Variants in KAZN observed in about 807,000 individuals in gnomAD.
KAZN encodes kazrin.
Under a neutral mutation model 87.4 loss-of-function variants are expected in KAZN, and 40 were observed. That is an observed-to-expected ratio of 0.46 (90% CI 0.36 to 0.60). The LOEUF is 0.60. KAZN is among the 20% of genes least tolerant of loss of function. KAZN has a pLI of 0.00. For synonymous variants in KAZN, 466 were observed against 458.3 expected (o/e 1.02, Z -0.22); for missense variants, 898 against 1,073.9 (o/e 0.84, Z 2.29).
At chr1:14,217,062 A>G (rs1008325664) in intron 2 of KAZN, among the ~76,000 whole-genome samples, 6 of 151,182 alleles carry the variant, frequency 4.0e-5, no homozygotes, top group Admixed American at 3.9e-4. Context: ...TTAATAAATA[A>G]CTCAATTTAA....
At position 14,278,281 on chromosome 1, in the gene KAZN, G is replaced by T. The variant is rs1043427737; in HGVS notation, c.249+97689G>T. On this transcript the variant is annotated intron_variant, in intron 2 of 16. Transcript: ENST00000636203. The stretch of plus-strand genomic sequence containing the variant: ...GTATCTTTATCACACCTGAAAATTA[G>T]CACTGATTCCTTTTTTTTTTTTTTT... 3.4e-5 allele frequency among the ~76,000 whole-genome samples: 5 copies of T among 148,340 alleles called. No homozygotes were observed. The East Asian group carries it at 9.9e-4, about 29-fold the overall frequency.
At chr1:15,040,045 C>T (rs1006299242) in intron 3 of KAZN, among the ~76,000 whole-genome samples, 4 of 152,126 alleles carry the variant, frequency 2.6e-5, no homozygotes, top group Admixed American at 1.3e-4. Context: ...GGAATAGCAA[C>T]ATTAAAACAA....
chr1:14,393,952 A>G (rs1045770737), intron 2 of KAZN, among the ~76,000 whole-genome samples: 1 of 151,958 alleles, frequency 6.6e-6, no homozygotes, highest in East Asian at 1.9e-4. Flanking sequence ...AACTCATTTT[A>G]ATGGTATCAG....
intron 1 of KAZN, among the ~76,000 whole-genome samples, chr1:13,991,442 T>TA (rs571503986): frequency 1.2e-4 from 18 of 144,792 alleles, no homozygotes; most frequent in Non-Finnish European, 2.2e-4. Context: ...AGTATGATAA[T>TA]AAAAAAAGGG....
At chr1:14,888,410 AGGTCAG>A (rs1263275155) in intron 1 of KAZN, among the ~76,000 whole-genome samples, 1 of 152,184 alleles carries the variant, frequency 6.6e-6, no homozygotes, top group African/African-American at 2.4e-5. Context: ...GGGACCCACG[AGGTCAG>A]GTAGGAGGCT....
At chr1:14,534,343 T>C (rs551201909) in intron 2 of KAZN, among the ~76,000 whole-genome samples, 12 of 152,190 alleles carry the variant, frequency 7.9e-5, no homozygotes, top group Non-Finnish European at 1.2e-4. Context: ...TCTTGAAACA[T>C]CCATTAAAGC....
At chr1:14,501,952 C>A (rs1319126179) in intron 2 of KAZN, among the ~76,000 whole-genome samples, 1 of 151,980 alleles carries the variant, frequency 6.6e-6, no homozygotes, top group East Asian at 1.9e-4. Context: ...CTTCCTGGGA[C>A]CAAGGGAGGG....
chr1:14,917,736 A>C (rs1188503089), intron 1 of KAZN, among the ~76,000 whole-genome samples: 3 of 151,936 alleles, frequency 2.0e-5, no homozygotes, highest in Non-Finnish European at 2.9e-5. Flanking sequence ...TGTGTCCCCA[A>C]CTCACTGGGT....
intron 1 of KAZN, among the ~76,000 whole-genome samples, chr1:13,991,011 C>T (rs1470929212): frequency 6.6e-6 from 1 of 151,914 alleles, no homozygotes; most frequent in Admixed American, 6.6e-5. Flanking sequence ...TGTGGTTTGG[C>T]ACATGTAGAT....
In KAZN at chr1:14,972,375, C is replaced by T. The variant is rs770513769; in HGVS notation, c.418+11500C>T. On this transcript the variant is annotated intron_variant, in intron 2 of 14. Coordinates refer to ENST00000376030, the MANE Select transcript of KAZN (RefSeq NM_201628.3). ...GGCAGTGCAGGGCACTCTTGCTCTG[C>T]GGTGCCTGAGCTTGGCTCAGTTGAG... Among the ~76,000 whole-genome samples the T allele has an allele frequency of 1.2e-4, 19 of 152,188 alleles. No individual in the cohort carries two copies. The East Asian group carries it at 1.3e-3, about 11-fold the overall frequency.
intron 2 of KAZN, among the ~76,000 whole-genome samples, chr1:14,304,873 T>C (rs116472911): frequency 0.034 from 5,224 of 152,206 alleles, 292 homozygotes; most frequent in African/African-American, 0.12. Context: ...GCCCTAGGAC[T>C]GTGTCGTCTT....
At chr1:14,959,285 C>T (rs1663548883) in intron 1 of KAZN, among the ~76,000 whole-genome samples, 2 of 152,186 alleles carry the variant, frequency 1.3e-5, no homozygotes, top group South Asian at 2.1e-4. Flanking sequence ...GTGGAGTAGA[C>T]GCTTGTGTCA....
intron 2 of KAZN, among the ~76,000 whole-genome samples, chr1:14,546,151 C>T (rs1266631984): frequency 6.6e-6 from 1 of 152,146 alleles, no homozygotes; most frequent in Non-Finnish European, 1.5e-5. Flanking sequence ...CTACCCTACC[C>T]CAGCATAGAC....
At chr1:14,487,907 G>C (rs562335782) in intron 2 of KAZN, among the ~76,000 whole-genome samples, 1 of 152,170 alleles carries the variant, frequency 6.6e-6, no homozygotes, top group Non-Finnish European at 1.5e-5. Flanking sequence ...GGCTTGGAAC[G>C]GAGCAGTGAT....
At chr1:14,537,769 A>G (rs1424397719) in intron 2 of KAZN, among the ~76,000 whole-genome samples, 1 of 152,116 alleles carries the variant, frequency 6.6e-6, no homozygotes, top group Non-Finnish European at 1.5e-5. Context: ...TTGTATTCAC[A>G]TTTTCACCCT....
chr1:14,952,103 G>T (rs1226271579), intron 1 of KAZN, among the ~76,000 whole-genome samples: 1 of 152,198 alleles, frequency 6.6e-6, no homozygotes, highest in African/African-American at 2.4e-5. Context: ...CTGCTCAGGG[G>T]TGGCAGCAGC....
In KAZN at chr1:14,621,784, G is replaced by A. The variant is rs377081572; in HGVS notation, c.226+22561G>A. On this transcript the variant is annotated intron_variant, in intron 1 of 14. Coordinates refer to ENST00000376030, the MANE Select transcript of KAZN (RefSeq NM_201628.3). ...GCCGCCATGTAAGATGTGACTTTGC[G>A]CCTCCTTGCCTTCTGCCATGACTGT... 2.2e-3 allele frequency among the ~76,000 whole-genome samples: 338 copies of A among 152,310 alleles called. 2 individuals are homozygous for A. Among genetic ancestry groups the A allele is most frequent in the Middle Eastern group, 0.014 (4 of 294 alleles).
At chr1:14,530,974 G>T (rs1033068865) in intron 2 of KAZN, among the ~76,000 whole-genome samples, 2 of 152,144 alleles carry the variant, frequency 1.3e-5, no homozygotes, top group African/African-American at 4.8e-5. Flanking sequence ...TCAAGAGGCT[G>T]AAGTGGGAGG....
At chr1:14,620,007 T>G (rs1485983443) in intron 1 of KAZN, among the ~76,000 whole-genome samples, 2 of 152,194 alleles carry the variant, frequency 1.3e-5, no homozygotes, top group Non-Finnish European at 2.9e-5. Flanking sequence ...TTAAGTTCAG[T>G]TTTAGCCTCT....
Sources: gnomAD v4.1 joint callset for allele counts (sites outside exome capture counted in the v4.1 genomes callset) on GRCh38, gnomAD v4.1.1 for gene constraint, MANE v1.5 for transcripts, NCBI Gene and HGNC (gene_info 2026-07-23, HGNC 2026-07-21) for gene names.